The following R3HDM2 variants were observed in gnomAD, a reference collection of about 807,000 sequenced individuals.
R3HDM2 encodes R3H domain-containing protein 2.
In R3HDM2, 38 loss-of-function variants were observed where a neutral mutation model predicts 124.5. The ratio of observed to expected loss-of-function variants is 0.31; its 90% CI spans 0.24 to 0.40. The LOEUF is 0.40. Among genes scored for constraint, R3HDM2 ranks in the 10% least tolerant of loss-of-function variants. R3HDM2 has a pLI of 1.00. For synonymous variants in R3HDM2, 391 were observed against 448.0 expected, an observed-to-expected ratio of 0.87 and a Z score of 1.61; for missense variants, 869 against 1,236.9, an observed-to-expected ratio of 0.70 and a Z score of 4.46.
Position 57,269,004 on chromosome 12 carries a change from C to A in R3HDM2, c.1793G>T (p.Gly598Val). The change falls in exon 17 of 24, where the codon GGC becomes GTC. Residue 598 changes from glycine (G) to valine (V), a missense_variant. This residue lies in a region of R3HDM2 where 602 missense variants were observed against 789.2 expected (regional missense o/e 0.76). Transcript: ENST00000402412. ...GCTGCTCCTCTGGCTGCTGAGCAGG[C>A]CCTGGTTCTGTGGCTGCTGGACCCC... is the stretch of plus-strand genomic sequence containing the variant. Reference protein sequence around the residue: ...MIGVQQPQNQGLLSSQRSSMG... With the variant: ...MIGVQQPQNQVLLSSQRSSMG... The A allele has an allele frequency of 6.2e-7, 1 of 1,614,206 alleles. No homozygotes were observed. The highest frequency in any genetic ancestry group is 8.5e-7 in the Non-Finnish European group (1 of 1,180,040).
intron 14 of R3HDM2, 77 bp from the exon 15 acceptor site, chr12:57,270,071 A>G: frequency 6.5e-7 from 1 of 1,533,702 alleles, no homozygotes; most frequent in Non-Finnish European, 8.9e-7. Flanking sequence ...GACAGAGAGA[A>G]ATAGCAATGC....
chr12:57,428,950 T>C (rs1349991228), intron 1 of R3HDM2, among the ~76,000 whole-genome samples: 17 of 152,068 alleles, frequency 1.1e-4, no homozygotes, highest in Admixed American at 1.0e-3. Context: ...TTCCACCATG[T>C]TGGCCAGGCT....
rs1555287226 is a variant in R3HDM2, at chr12:57,360,032, T to TATAC, written c.-36+35716_-36+35717insGTAT. 1.2e-4 allele frequency among the ~76,000 whole-genome samples: 9 copies of TATAC among 72,916 alleles called. No individual in the cohort carries two copies. In the East Asian group the frequency reaches 2.6e-3, roughly 21 times the overall value. The allele number at this position is 72,916 out of a possible 152,430, so 47.8% of individuals were successfully genotyped here. On this transcript the variant is annotated intron_variant, in intron 2 of 23. Transcript: ENST00000402412. ...ATATATATATATATATACACACATA[T>TATAC]ATATATATATATATATTTTTTTTTT...
intron 2 of R3HDM2, among the ~76,000 whole-genome samples, chr12:57,317,149 T>C (rs778914547): frequency 6.6e-6 from 1 of 151,710 alleles, no homozygotes; most frequent in Non-Finnish European, 1.5e-5. Flanking sequence ...CTCAAAGCGA[T>C]TGGAATAAAG....
intron 2 of R3HDM2, among the ~76,000 whole-genome samples, chr12:57,353,812 T>C (rs948085469): frequency 5.4e-4 from 82 of 152,172 alleles, no homozygotes; most frequent in Admixed American, 1.9e-3. Context: ...CATAAAGACA[T>C]AGAGGGAAGA....
chr12:57,377,918 T>A (rs1291807019), intron 2 of R3HDM2, among the ~76,000 whole-genome samples: 1 of 152,086 alleles, frequency 6.6e-6, no homozygotes, highest in Non-Finnish European at 1.5e-5. Flanking sequence ...TAAAACCCCA[T>A]CTCTACTAAA....
chr12:57,310,277 C>T lies in R3HDM2; in HGVS notation c.152G>A (p.Arg51His), dbSNP rs200029746. ...IEKECEDTSL[R>H]QETQRRTSNH... ...TCCAATCGTTACCTGTGTCTCCTGA[C>T]GCAAACTGGTATCTTCACATTCTTT... The change falls in exon 3 of 24, where the codon CGT becomes CAT. Residue 51 changes from arginine (R) to histidine (H), a missense_variant. This residue lies in a region of R3HDM2 where 267 missense variants were observed against 447.7 expected (regional missense o/e 0.60). Coordinates refer to ENST00000402412, the MANE Select transcript of R3HDM2 (RefSeq NM_001394031.1). 388 of 1,536,356 alleles carry T rather than the reference C, an allele frequency of 2.5e-4. 2 individuals are homozygous for T. Among genetic ancestry groups the T allele is most frequent in the Non-Finnish European group, 1.2e-4 (137 of 1,141,830 alleles).
chr12:57,298,256 G>A lies in R3HDM2; in HGVS notation c.422-88C>T, dbSNP rs1181697854. ...TAAGCAGAAGTCCACAACCTAACCAGGAGAAAAAAGAATAGGAAAGCAAAA... is the reference window on the plus strand; with the variant it reads ...TAAGCAGAAGTCCACAACCTAACCAAGAGAAAAAAGAATAGGAAAGCAAAA... On this transcript the variant is annotated intron_variant, in intron 6 of 23. Coordinates refer to ENST00000402412, the MANE Select transcript of R3HDM2 (RefSeq NM_001394031.1). 5 of 1,021,178 alleles carry A rather than the reference G, an allele frequency of 4.9e-6. No individual in the cohort carries two copies. The African/African-American group carries it at 6.6e-5, about 14-fold the overall frequency. 63.3% of individuals were successfully genotyped at this position (1,021,178 alleles called of 1,614,324 possible).
chr12:57,412,310 G>GT (rs2069078151), intron 1 of R3HDM2, among the ~76,000 whole-genome samples: 2 of 50,024 alleles, frequency 4.0e-5, no homozygotes, highest in Non-Finnish European at 1.1e-4. Flanking sequence ...GGGAGGCCAA[G>GT]GGGGGCGAAT....
intron 2 of R3HDM2, among the ~76,000 whole-genome samples, chr12:57,359,631 A>C (rs2061649460): frequency 1.3e-5 from 2 of 152,148 alleles, no homozygotes; most frequent in African/African-American, 4.8e-5. Flanking sequence ...GTGCTTTTAG[A>C]TGCAATCTGA....
At position 57,303,844 on chromosome 12, in the gene R3HDM2, T is replaced by C. The variant is rs1002017970; in HGVS notation, c.166-627A>G. Among the ~76,000 whole-genome samples the C allele has an allele frequency of 3.3e-5, 5 of 152,122 alleles. No individual in the cohort carries two copies. The East Asian group carries it at 9.6e-4, about 29-fold the overall frequency. ...AAAGAGTTGGAAGACACTGATTTTG[T>C]TGGCCTATTTCACAGACTGATAAAA... is the stretch of plus-strand genomic sequence containing the variant. On this transcript the variant is annotated intron_variant, in intron 3 of 23. Coordinates refer to ENST00000402412, the MANE Select transcript of R3HDM2 (RefSeq NM_001394031.1).
intron 2 of R3HDM2, among the ~76,000 whole-genome samples, chr12:57,377,030 T>C (rs570197268): frequency 1.3e-5 from 2 of 150,234 alleles, no homozygotes; most frequent in African/African-American, 4.9e-5. Flanking sequence ...GCTTTGTTTT[T>C]TCGCTCTTTG....
chr12:57,415,605 T>C (rs1448492463), intron 1 of R3HDM2, among the ~76,000 whole-genome samples: 3 of 148,420 alleles, frequency 2.0e-5, no homozygotes, highest in African/African-American at 7.4e-5. Flanking sequence ...AGCAGAAAGA[T>C]TCCTTTACAA....
intron 1 of R3HDM2, among the ~76,000 whole-genome samples, chr12:57,404,354 G>A (rs756959260): frequency 2.7e-5 from 4 of 146,230 alleles, no homozygotes; most frequent in Admixed American, 6.8e-5. Flanking sequence ...GTGAGCCACC[G>A]CGCCTGGCCA....
intron 2 of R3HDM2, among the ~76,000 whole-genome samples, chr12:57,384,402 G>A (rs549044502): frequency 7.6e-4 from 116 of 151,780 alleles, no homozygotes; most frequent in African/African-American, 2.8e-3. Context: ...TATGTTCCTT[G>A]AGATTATTTT....
At chr12:57,394,465 G>A (rs1424154968) in intron 2 of R3HDM2, among the ~76,000 whole-genome samples, 1 of 152,130 alleles carries the variant, frequency 6.6e-6, no homozygotes, top group African/African-American at 2.4e-5. Context: ...CCAGCTACTC[G>A]GGAGGCCAAG....
intron 2 of R3HDM2, among the ~76,000 whole-genome samples, chr12:57,325,444 G>C (rs2057169404): frequency 1.3e-5 from 2 of 152,164 alleles, no homozygotes; most frequent in African/African-American, 4.8e-5. Context: ...GTAAAGGCTA[G>C]CACTCCAGCA....
rs570236013 is a variant in R3HDM2, at chr12:57,394,220, C to T, written c.-36+1529G>A. Among the ~76,000 whole-genome samples, 8 of 151,890 alleles carry T rather than the reference C, an allele frequency of 5.3e-5. No homozygotes were observed. The East Asian group carries it at 1.6e-3, about 29-fold the overall frequency. The stretch of plus-strand genomic sequence containing the variant: ...GCTGTTGTGTAAGAATCGCTTGAAT[C>T]TGGGAGGCAGAGGTTAAAGTGAGCC... On this transcript the variant is annotated intron_variant, in intron 2 of 23. Coordinates refer to ENST00000402412, the MANE Select transcript of R3HDM2 (RefSeq NM_001394031.1).
chr12:57,329,667 C>T (rs1222133780), intron 2 of R3HDM2, among the ~76,000 whole-genome samples: 2 of 151,720 alleles, frequency 1.3e-5, no homozygotes, highest in Non-Finnish European at 2.9e-5. Flanking sequence ...ATAGCCTCTA[C>T]TAGGGAGGCT....
Sources: allele counts gnomAD v4.1 joint callset (sites outside exome capture counted in the v4.1 genomes callset), GRCh38; gene constraint gnomAD v4.1.1; regional missense constraint gnomAD v4.1.1; transcripts MANE v1.5; gene names NCBI Gene and HGNC (gene_info 2026-07-23, HGNC 2026-07-21).